The following RYR1 variants were observed in gnomAD, a reference collection of about 807,000 sequenced individuals.
RYR1 encodes the protein central core disease of muscle.
Under a neutral mutation model 583.5 loss-of-function variants are expected in RYR1, and 342 were observed. The observed-to-expected ratio is 0.59, with a 90% CI of 0.54 to 0.64. The LOEUF (loss-of-function observed/expected upper bound fraction) is 0.64. RYR1 is among the 30% of genes least tolerant of loss of function. RYR1 has a pLI of 0.00. For synonymous variants in RYR1, 2,791 were observed against 2,822.5 expected (o/e 0.99, Z 0.35); for missense variants, 6,032 against 6,917.2 (o/e 0.87, Z 4.54).
chr19:38,545,624 C>T (rs1972389479), intron 87 of RYR1, among the ~76,000 whole-genome samples: 1 of 152,142 alleles, frequency 6.6e-6, no homozygotes, highest in African/African-American at 2.4e-5. Context: ...ACCAGCCTCA[C>T]CAACATGGAG....
Position 38,492,405 on chromosome 19 carries a change from C to T in RYR1, c.6128-85C>T, listed in dbSNP as rs1451210249. The T allele has an allele frequency of 7.6e-6, 11 of 1,438,438 alleles. No homozygotes were observed. In the East Asian group the frequency reaches 2.3e-4, roughly 30 times the overall value. The allele number at this position is 1,438,438 out of a possible 1,614,324, so 89.1% of individuals were successfully genotyped here. On this transcript the variant is annotated intron_variant, in intron 37 of 105. Transcript: ENST00000359596. ...AAATGAAAAACTCCATGCATGCATG[C>T]ACATATGCACAAATAAATGAGTGTG...
At chr19:38,467,962 C>A in intron 25 of RYR1, 150 bp downstream of exon 25, 1 of 695,908 alleles carries the variant, frequency 1.4e-6, no homozygotes, top group Non-Finnish European at 2.5e-6. Flanking sequence ...ATCCATTCAA[C>A]CAATGATTCA....
intron 65 of RYR1, among the ~76,000 whole-genome samples, chr19:38,516,598 A>G (rs1353600949): frequency 5.3e-5 from 8 of 152,106 alleles, no homozygotes; most frequent in Admixed American, 2.6e-4. Context: ...AACCCCATCC[A>G]TGGAATTTGG....
intron 89 of RYR1, among the ~76,000 whole-genome samples, chr19:38,555,493 G>A (rs1972842726): frequency 6.7e-6 from 1 of 149,922 alleles, no homozygotes; most frequent in Non-Finnish European, 1.5e-5. Flanking sequence ...ACGTGTGTGT[G>A]TATGTGTGTG....
intron 64 of RYR1, among the ~76,000 whole-genome samples, chr19:38,515,769 C>T (rs1230488293): frequency 6.6e-6 from 1 of 152,080 alleles, no homozygotes; most frequent in East Asian, 1.9e-4. Context: ...TGCATCTCTA[C>T]AAAAACGACT....
rs16972718 is a variant in RYR1 at position 38,571,746 on chromosome 19, T to A, written c.13747-273T>A. Among the ~76,000 whole-genome samples, 10,552 of 152,236 alleles carry A rather than the reference T, an allele frequency of 0.069. 425 individuals carry two copies. The highest frequency in any genetic ancestry group is 0.16 in the South Asian group (751 of 4,826). ...TAGCTGCTACTAATTTTCATGTTAG[T>A]GTTAATATTAGTGGGCAGTCTCTTT... On this transcript the variant is annotated intron_variant, in intron 94 of 105. Transcript: ENST00000359596.
intron 69 of RYR1, chr19:38,523,534 TTC>T (rs1971318089): frequency 4.9e-6 from 3 of 614,670 alleles, no homozygotes; most frequent in African/African-American, 3.7e-5. Flanking sequence ...CATCTCCCTC[TTC>T]TCTCATCTCT....
Position 38,460,505 on chromosome 19 carries a change from G to A in RYR1, c.2491G>A (p.Glu831Lys), listed in dbSNP as rs981293403. The A allele has an allele frequency of 4.3e-6, 7 of 1,614,178 alleles. No homozygotes were observed. Among genetic ancestry groups the A allele is most frequent in the Non-Finnish European group, 5.9e-6 (7 of 1,180,036 alleles). The change falls in exon 20 of 106, where the codon GAG (glutamate) becomes AAG (lysine). Residue 831 changes from glutamate to lysine, a missense_variant. By Grantham distance (56) the Glu-to-Lys change is moderately conservative (BLOSUM62 1). Transcript: ENST00000359596. ...TGAACCCATCAAGGAGTATCGACGG[G>A]AGGGGCCCCGGGGGCCTCACCTGGT... ...HLEPIKEYRR[E>K]GPRGPHLVGP...
At chr19:38,493,260 G>A (rs1969638948) in intron 38 of RYR1, among the ~76,000 whole-genome samples, 1 of 152,088 alleles carries the variant, frequency 6.6e-6, no homozygotes, top group Admixed American at 6.6e-5. Flanking sequence ...CTTGATGAGA[G>A]GATTACCATG....
chr19:38,573,680 C>G (rs938276608), intron 96 of RYR1, among the ~76,000 whole-genome samples: 11 of 151,118 alleles, frequency 7.3e-5, no homozygotes, highest in African/African-American at 2.7e-4. Context: ...AATTCCACCC[C>G]CTTCCCCCCA....
chr19:38,436,232 A>T (rs1972422231), intron 1 of RYR1, among the ~76,000 whole-genome samples: 1 of 144,536 alleles, frequency 6.9e-6, no homozygotes, highest in African/African-American at 2.6e-5. Flanking sequence ...TTTGAGACAG[A>T]GTCTCAATCT....
rs1973148519 is a variant in RYR1, at chr19:38,561,633, T to C, written c.12624+179T>C. ...GTCCAGCTGCGCCCTTGCACATCCCTGGCTCGCCCCTGGCCACTTCTTGCG... is the reference window on the plus strand; with the variant it reads ...GTCCAGCTGCGCCCTTGCACATCCCCGGCTCGCCCCTGGCCACTTCTTGCG... On this transcript the variant is annotated intron_variant, in intron 90 of 105. Transcript: ENST00000359596. This position sits in a 1 kb window ranked among gnomAD's most constrained non-coding sequence, Gnocchi z 4.8. Among the ~76,000 whole-genome samples, 1 of 152,194 alleles carries C rather than the reference T, an allele frequency of 6.6e-6. No individual in the cohort carries two copies. The highest frequency in any genetic ancestry group is 1.5e-5 in the Non-Finnish European group (1 of 68,020).
chr19:38,522,958 A>ATC (rs1243045261), intron 67 of RYR1, 70 bp from the exon 68 acceptor site: 1 of 1,250,474 alleles, frequency 8.0e-7, no homozygotes, highest in Non-Finnish European at 1.1e-6. Flanking sequence ...CTCCTCCAAG[A>ATC]TCTCTCTCTG....
intron 88 of RYR1, 139 bp downstream of exon 88, chr19:38,546,665 A>C (rs537755958): frequency 5.1e-5 from 38 of 747,230 alleles, no homozygotes; most frequent in Non-Finnish European, 7.4e-5. Flanking sequence ...TGAAGAAGCC[A>C]TAATAGGCCA....
At chr19:38,447,751 A>G (rs752530828) in intron 9 of RYR1, among the ~76,000 whole-genome samples, 1 of 151,362 alleles carries the variant, frequency 6.6e-6, no homozygotes, top group Non-Finnish European at 1.5e-5. Flanking sequence ...CTGAGGCAGG[A>G]GAATCACTTG....
At chr19:38,536,867 G>A in intron 83 of RYR1, 100 bp downstream of exon 83, 5 of 1,300,902 alleles carry the variant, frequency 3.8e-6, no homozygotes, top group Admixed American at 1.7e-5. Flanking sequence ...GGACGTGGAG[G>A]GGAGGGAGGG....
Position 38,502,712 on chromosome 19 carries a change from T to C in RYR1, c.7820T>C (p.Leu2607Pro), listed in dbSNP as rs777981753. 6.5e-7 allele frequency: 1 copy of C among 1,543,316 alleles called. No homozygotes were observed. Among genetic ancestry groups the C allele is most frequent in the East Asian group, 2.5e-5 (1 of 40,176 alleles). ...KAQRDVIEDC[L>P]MSLCRYIRPS... is the part of the protein sequence containing the mutation. ...CAGCGTGACGTCATCGAGGACTGCC[T>C]CATGTCGCTCTGCAGGTGGAGCGGG... Residue 2607 changes from leucine to proline, a missense_variant, in exon 48 of 106, where the codon CTC (leucine) becomes CCC (proline). Leu to Pro is a moderately conservative substitution (Grantham distance 98). Coordinates refer to ENST00000359596, the MANE Select transcript of RYR1 (RefSeq NM_000540.3).
intron 24 of RYR1, 83 bp downstream of exon 24, chr19:38,466,481 A>C: frequency 1.2e-5 from 14 of 1,214,674 alleles, no homozygotes; most frequent in Non-Finnish European, 1.6e-5. Context: ...GACCTGACTC[A>C]GCCCCCAAAT....
chr19:38,518,666 C>A (rs1211838838), intron 66 of RYR1, among the ~76,000 whole-genome samples: 1 of 150,522 alleles, frequency 6.6e-6, no homozygotes, highest in Non-Finnish European at 1.5e-5. Context: ...CAGTGGCTCA[C>A]GCCTGTAATC....
Sources: gnomAD v4.1 joint callset for allele counts (sites outside exome capture counted in the v4.1 genomes callset) on GRCh38, gnomAD v4.1.1 for gene constraint, Gnocchi (gnomAD v3.1) non-coding constraint, MANE v1.5 for transcripts, NCBI Gene and HGNC (gene_info 2026-07-23, HGNC 2026-07-21) for gene names.